Variants in SLC22A14 observed in about 807,000 individuals in gnomAD.
SLC22A14 encodes the protein organic cation transporter-like 4.
In SLC22A14, 50 loss-of-function variants were observed where a neutral mutation model predicts 53.9. The observed-to-expected ratio is 0.93, with a 90% CI of 0.74 to 1.17. The LOEUF (loss-of-function observed/expected upper bound fraction) is 1.17. Among genes scored for constraint, SLC22A14 ranks in the 50% most tolerant of loss-of-function variants. The pLI is 0.00. For missense variants in SLC22A14, 671 were observed against 734.7 expected, an observed-to-expected ratio of 0.91 and a Z score of 1.00; for synonymous variants, 312 against 303.0, an observed-to-expected ratio of 1.03 and a Z score of -0.31.
At chr3:38,298,204 A>G (rs750842813) in intron 1 of SLC22A14, among the ~76,000 whole-genome samples, 11 of 152,056 alleles carry the variant, frequency 7.2e-5, no homozygotes, top group Non-Finnish European at 1.3e-4. Context: ...ATGTGCCCCC[A>G]TCATTTTAGG....
intron 1 of SLC22A14, among the ~76,000 whole-genome samples, chr3:38,300,787 C>T (rs1475841930): frequency 6.6e-6 from 1 of 152,192 alleles, no homozygotes; most frequent in East Asian, 1.9e-4. Flanking sequence ...CAGCATAAGG[C>T]ATAAGCTATC....
Position 38,298,160 on chromosome 3 carries a change from G to A in SLC22A14, c.1-7867G>A, listed in dbSNP as rs548338307. 1.2e-4 allele frequency among the ~76,000 whole-genome samples: 18 copies of A among 152,210 alleles called. No homozygotes were observed. The South Asian group carries it at 3.3e-3, about 28-fold the overall frequency. ...AATTGTCCCAGATTTGTCCACTGGGGACACACCTTCAGTTTGGCTCCTGTG... is the reference window on the plus strand; with the variant it reads ...AATTGTCCCAGATTTGTCCACTGGGAACACACCTTCAGTTTGGCTCCTGTG... On this transcript the variant is annotated intron_variant, in intron 1 of 10. Coordinates refer to ENST00000448498, the MANE Select transcript of SLC22A14 (RefSeq NM_001320033.2).
chr3:38,309,137 A>G lies in SLC22A14; in HGVS notation c.944+15A>G. On this transcript the variant is annotated intron_variant, in intron 5 of 10. Transcript: ENST00000448498. ...TCCTATATCTGGTGAGCAAGCGAGT[A>G]CCGGGCATGTACAGGGCTGGGTCTG... The G allele has an allele frequency of 6.2e-7, 1 of 1,611,792 alleles. No individual in the cohort carries two copies. The highest frequency in any genetic ancestry group is 8.5e-7 in the Non-Finnish European group (1 of 1,177,910).
chr3:38,284,805 G>A (rs1052531456), intron 1 of SLC22A14, among the ~76,000 whole-genome samples: 2 of 151,952 alleles, frequency 1.3e-5, no homozygotes, highest in East Asian at 1.9e-4. Context: ...ATCATACTAC[G>A]AAATGACCGA....
At chr3:38,304,753 T>C (rs1217981080) in intron 1 of SLC22A14, among the ~76,000 whole-genome samples, 3 of 152,368 alleles carry the variant, frequency 2.0e-5, no homozygotes, top group Admixed American at 6.5e-5. Context: ...TGCAGCTTCA[T>C]TGCAATGTGT....
At chr3:38,315,815 C>A in intron 9 of SLC22A14, 104 bp downstream of exon 9, 1 of 1,189,724 alleles carries the variant, frequency 8.4e-7, no homozygotes, top group Non-Finnish European at 1.2e-6. Flanking sequence ...GTGACAAGCA[C>A]TGTGCTAAAC....
At chr3:38,292,454 T>C (rs942235032) in intron 1 of SLC22A14, among the ~76,000 whole-genome samples, 2 of 152,174 alleles carry the variant, frequency 1.3e-5, no homozygotes, top group African/African-American at 4.8e-5. Flanking sequence ...GACAACAGCC[T>C]CATTGATAAT....
chr3:38,316,407 T>C lies in SLC22A14; in HGVS notation c.1616T>C (p.Leu539Pro). 1 of 1,614,096 alleles carries C rather than the reference T, an allele frequency of 6.2e-7. No individual in the cohort carries two copies. Reference protein sequence around the residue: ...SLTIISQTPSLLPIFLCCVLA... With the variant: ...SLTIISQTPSPLPIFLCCVLA... Reference sequence around the variant, plus strand: ...ACAATCATCAGCCAGACCCCCTCCCTCCTGCCCATCTTTCTCTGCTGCGTC... The same window carrying C: ...ACAATCATCAGCCAGACCCCCTCCCCCCTGCCCATCTTTCTCTGCTGCGTC... Residue 539 changes from leucine (L) to proline (P), a missense_variant, in exon 10 of 11, where the codon CTC (leucine) becomes CCC (proline). Physicochemically the swap from Leu to Pro is moderately conservative, Grantham distance 98. Coordinates refer to ENST00000448498, the MANE Select transcript of SLC22A14 (RefSeq NM_001320033.2).
At chr3:38,295,185 G>A (rs551293205) in intron 1 of SLC22A14, among the ~76,000 whole-genome samples, 11 of 152,208 alleles carry the variant, frequency 7.2e-5, no homozygotes, top group African/African-American at 2.4e-4. Flanking sequence ...ATCTTTGTAC[G>A]GTAATTAAGA....
chr3:38,279,310 C>T (rs765522816), upstream of SLC22A14, among the ~76,000 whole-genome samples: 4 of 152,160 alleles, frequency 2.6e-5, 1 homozygote, highest in African/African-American at 7.2e-5. Context: ...CCAAGGGGTG[C>T]GGAAAACCAG....
intron 8 of SLC22A14, among the ~76,000 whole-genome samples, chr3:38,314,825 A>T (rs954165926): frequency 3.9e-5 from 6 of 152,232 alleles, no homozygotes; most frequent in Non-Finnish European, 8.8e-5. Context: ...GCAGGTCTAC[A>T]CTGAGTCAAG....
intron 1 of SLC22A14, among the ~76,000 whole-genome samples, chr3:38,283,568 G>A (rs1200092088): frequency 6.6e-6 from 1 of 152,152 alleles, no homozygotes; most frequent in Non-Finnish European, 1.5e-5. Context: ...AGTGGCTCAC[G>A]CCTGTAATCC....
At chr3:38,286,443 G>A (rs1301522253) in intron 1 of SLC22A14, among the ~76,000 whole-genome samples, 3 of 149,350 alleles carry the variant, frequency 2.0e-5, no homozygotes, top group South Asian at 4.2e-4. Flanking sequence ...TTTAGACAGA[G>A]TCGCTCTGTC....
intron 4 of SLC22A14, 57 bp from the exon 5 acceptor site, chr3:38,308,897 G>A: frequency 6.5e-7 from 1 of 1,543,112 alleles, no homozygotes; most frequent in Non-Finnish European, 8.9e-7. Context: ...CTGGATGCAA[G>A]GGCAGCCCTG....
At chr3:38,283,148 A>G (rs1703710042) in intron 1 of SLC22A14, among the ~76,000 whole-genome samples, 1 of 152,082 alleles carries the variant, frequency 6.6e-6, no homozygotes, top group African/African-American at 2.4e-5. Context: ...CCAAATCTTT[A>G]TCACGCTGCA....
Position 38,313,079 on chromosome 3 carries a change from G to A in SLC22A14, c.1025G>A (p.Ser342Asn). The change falls in exon 6 of 11, where the codon AGT becomes AAT. Residue 342 changes from serine (S) to asparagine (N), a missense_variant. By Grantham distance (46) the Ser-to-Asn change is conservative. Transcript: ENST00000448498. Reference sequence around the variant, plus strand: ...AAGCAGGTGCTGTGCTACGCCGCAAGTGTGAACAAGAAGACCATTCCTTCA... The same window carrying A: ...AAGCAGGTGCTGTGCTACGCCGCAAATGTGAACAAGAAGACCATTCCTTCA... ...EAKQVLCYAASVNKKTIPSNL... is the reference protein window; with the variant it reads ...EAKQVLCYAANVNKKTIPSNL... 1.2e-6 allele frequency: 2 copies of A among 1,607,096 alleles called. No individual in the cohort carries two copies. The highest frequency in any genetic ancestry group is 2.2e-5 in the East Asian group (1 of 44,642).
chr3:38,291,664 C>T (rs977903212), intron 1 of SLC22A14, among the ~76,000 whole-genome samples: 4 of 152,208 alleles, frequency 2.6e-5, no homozygotes, highest in Non-Finnish European at 5.9e-5. Context: ...TCCCTCAGAC[C>T]TGTGTAAGGA....
Position 38,318,319 on chromosome 3 carries a change from T to C in SLC22A14, c.*70T>C, listed in dbSNP as rs1196321283. On this transcript the variant is annotated 3_prime_UTR_variant, in exon 11 of 11. Coordinates refer to ENST00000448498, the MANE Select transcript of SLC22A14 (RefSeq NM_001320033.2). The stretch of plus-strand genomic sequence containing the variant: ...TGGACCCATACCCTGTCTCCAACCC[T>C]GCCTTGAAGCAATTCAATAAAGAGG... 2.9e-6 allele frequency: 4 copies of C among 1,396,730 alleles called. No individual in the cohort carries two copies. Among genetic ancestry groups the C allele is most frequent in the Non-Finnish European group, 4.1e-6 (4 of 982,360 alleles). The allele number at this position is 1,396,730 out of a possible 1,614,324, so 86.5% of individuals were successfully genotyped here. A position where few individuals can be genotyped will look rare whatever the true frequency, so the allele number is the denominator to read the frequency against.
intron 1 of SLC22A14, among the ~76,000 whole-genome samples, chr3:38,293,814 G>A (rs1422835479): frequency 3.3e-5 from 5 of 152,172 alleles, no homozygotes; most frequent in Non-Finnish European, 5.9e-5. Flanking sequence ...TCTTTCCTCT[G>A]TTGTCATCCT....
Sources: allele counts gnomAD v4.1 joint callset (sites outside exome capture counted in the v4.1 genomes callset), GRCh38; gene constraint gnomAD v4.1.1; transcripts MANE v1.5; gene names NCBI Gene and HGNC (gene_info 2026-07-23, HGNC 2026-07-21).